CHMP7: variants seen among roughly 807,000 people sequenced by gnomAD.
CHMP7 encodes charged multivesicular body protein 7.
In CHMP7, 15 loss-of-function variants were observed where a neutral mutation model predicts 53.7. That is an observed-to-expected ratio of 0.28 (90% CI 0.19 to 0.43). The LOEUF (loss-of-function observed/expected upper bound fraction) is 0.43, where lower values mean the gene tolerates loss of function less well. CHMP7 is among the 20% of genes least tolerant of loss of function. The pLI, the probability that CHMP7 is intolerant of heterozygous loss-of-function variation, is 1.00. For missense variants in CHMP7, 527 were observed against 569.4 expected, an observed-to-expected ratio of 0.93 and a Z score of 0.76; for synonymous variants, 261 against 228.0, an observed-to-expected ratio of 1.14 and a Z score of -1.30.
At position 23,246,678 on chromosome 8, in the gene CHMP7, G is replaced by A. The variant is rs548392575; in HGVS notation, c.-18G>A. ...GGGCCAGGCTTGTGTTCGCAGCCTT[G>A]CCGGGGCTGGGGTTCCGATGTGGTC... On this transcript the variant is annotated 5_prime_UTR_variant, in exon 2 of 11. Transcript: ENST00000397677. 3.3e-4 allele frequency: 511 copies of A among 1,544,208 alleles called. 3 individuals are homozygous for A. In the Middle Eastern group the frequency reaches 8.2e-3, roughly 25 times the overall value.
chr8:23,260,031 G>A, intron 9 of CHMP7, 113 bp from the exon 10 acceptor site: 1 of 773,518 alleles, frequency 1.3e-6, no homozygotes, highest in Non-Finnish European at 2.1e-6. Flanking sequence ...TAATCTGCAA[G>A]GAGGCCTGGC....
At chr8:23,248,138 A>G in intron 2 of CHMP7, 1 of 456,200 alleles carries the variant, frequency 2.2e-6, no homozygotes, top group South Asian at 1.5e-5. Context: ...GATGGCATAC[A>G]GTGGAAACCG....
chr8:23,259,126 G>A lies in CHMP7; in HGVS notation c.1120G>A (p.Asp374Asn). The change falls in exon 9 of 11, where the codon GAT (aspartate) becomes AAT (asparagine). Residue 374 changes from aspartate to asparagine, a missense_variant and splice_region_variant. By Grantham distance (23) the Asp-to-Asn change is conservative. Coordinates refer to ENST00000397677, the MANE Select transcript of CHMP7 (RefSeq NM_152272.5). ...GGCTGGTGGGGTAACAAATGGCTTA[G>A]GTGAGTGGACAAGGTGGTTATTTTT... The part of the protein sequence containing the change: ...TLAGGVTNGL[D>N]FDSEELEKEL... The A allele has an allele frequency of 6.7e-7, 1 of 1,498,476 alleles. No individual in the cohort carries two copies. The highest frequency in any genetic ancestry group is 9.3e-7 in the Non-Finnish European group (1 of 1,075,592). The allele number at this position is 1,498,476 out of a possible 1,614,324, so 92.8% of individuals were successfully genotyped here.
At chr8:23,254,923 TA>T in intron 3 of CHMP7, 1 of 407,934 alleles carries the variant, frequency 2.5e-6, no homozygotes. Context: ...ACAGCTGTTC[TA>T]CCTCACCTCA....
chr8:23,250,984 C>A lies in CHMP7; in HGVS notation c.471+1603C>A, dbSNP rs534162075. 7.8e-4 allele frequency among the ~76,000 whole-genome samples: 119 copies of A among 152,220 alleles called. 1 individual carries two copies. Among genetic ancestry groups the A allele is most frequent in the Admixed American group, 3.9e-3 (59 of 15,282 alleles). The stretch of plus-strand genomic sequence containing the variant: ...TCCATCTGCACCCCTTCCCCGCACC[C>A]ATGCAGTTATTCCCCTGCCCAGTGG... On this transcript the variant is annotated intron_variant, in intron 3 of 10. Coordinates refer to ENST00000397677, the MANE Select transcript of CHMP7 (RefSeq NM_152272.5).
chr8:23,260,037 C>G (rs189975145), intron 9 of CHMP7, 107 bp from the exon 10 acceptor site: 2 of 832,678 alleles, frequency 2.4e-6, no homozygotes, highest in Admixed American at 2.7e-5. Flanking sequence ...GCAAGGAGGC[C>G]TGGCATCTTT....
chr8:23,258,812 C>T lies in CHMP7; in HGVS notation c.1041C>T (p.Leu347=), dbSNP rs35799523. 3,328 of 1,611,206 alleles carry T rather than the reference C, an allele frequency of 2.1e-3. 50 individuals carry two copies. In the African/African-American group the frequency reaches 0.037, roughly 18 times the overall value. Residue 347 remains leucine (L), a synonymous_variant, in exon 8 of 11, where the codon CTC becomes CTT. Transcript: ENST00000397677. ...KDVTVEKAES[L]VDQIQELCDT... ...TCACAGTGGAGAAGGCAGAGAGCCTCGTGGATCAGATCCAAGAGGTACAGA... is the reference window on the plus strand; with the variant it reads ...TCACAGTGGAGAAGGCAGAGAGCCTTGTGGATCAGATCCAAGAGGTACAGA...
chr8:23,245,566 T>C (rs1051320925), intron 1 of CHMP7, among the ~76,000 whole-genome samples: 1 of 152,226 alleles, frequency 6.6e-6, no homozygotes, highest in African/African-American at 2.4e-5. Context: ...TCACAAGATA[T>C]ATTGTTTTGT....
intron 3 of CHMP7, among the ~76,000 whole-genome samples, chr8:23,251,139 A>G (rs1452483473): frequency 6.6e-6 from 1 of 152,182 alleles, no homozygotes; most frequent in Non-Finnish European, 1.5e-5. Flanking sequence ...GGGGCAGAGG[A>G]GAGGTAAACC....
rs1046048847 is a variant in CHMP7 at position 23,261,977 on chromosome 8, A to G, written c.*1378A>G. The G allele has an allele frequency of 2.0e-5, 3 of 152,364 alleles. No individual in the cohort carries two copies. Among genetic ancestry groups the G allele is most frequent in the Non-Finnish European group, 4.4e-5 (3 of 68,046 alleles). The allele number at this position is 152,364 out of a possible 1,614,324, so 9.4% of individuals were successfully genotyped here. A position where few individuals can be genotyped will look rare whatever the true frequency, so the allele number is the denominator to read the frequency against. On this transcript the variant is annotated 3_prime_UTR_variant, in exon 11 of 11. Coordinates refer to ENST00000397677, the MANE Select transcript of CHMP7 (RefSeq NM_152272.5). ...TTTTTTCTTTTTTATCTGGTAAATA[A>G]TTAAAAGAAAAACCGAACACTTGTC...
At chr8:23,248,701 A>C (rs1801803436) in intron 2 of CHMP7, among the ~76,000 whole-genome samples, 1 of 152,208 alleles carries the variant, frequency 6.6e-6, no homozygotes, top group South Asian at 2.1e-4. Context: ...AGCTGCTGTT[A>C]CTGTTACCAG....
chr8:23,260,483 C>T, intron 10 of CHMP7, 55 bp from the exon 11 acceptor site: 1 of 1,551,024 alleles, frequency 6.4e-7, no homozygotes, highest in Non-Finnish European at 8.9e-7. Context: ...CACTGGAATG[C>T]CTTCATCTTC....
In CHMP7 at chr8:23,256,789, C is replaced by CTT. The variant is rs71210606; in HGVS notation, c.791+216_791+217dup. Reference sequence around the variant, plus strand: ...CAAAAGAGAAAAAAAAATGAGGCCTCTTTTTTTTTTTTTTTTTTTTTGAGA... The same window carrying CTT: ...CAAAAGAGAAAAAAAAATGAGGCCTCTTTTTTTTTTTTTTTTTTTTTTTGAGA... On this transcript the variant is annotated intron_variant, in intron 5 of 10. Transcript: ENST00000397677. The CTT allele has an allele frequency of 3.5e-3, 356 of 102,616 alleles. 1 individual carries two copies. The highest frequency in any genetic ancestry group is 0.011 in the Middle Eastern group (2 of 178). 6.4% of individuals were successfully genotyped at this position (102,616 alleles called of 1,614,324 possible). A position where few individuals can be genotyped will look rare whatever the true frequency, so the allele number is the denominator to read the frequency against.
At chr8:23,251,170 G>T (rs1277198409) in intron 3 of CHMP7, among the ~76,000 whole-genome samples, 1 of 152,154 alleles carries the variant, frequency 6.6e-6, no homozygotes, top group Non-Finnish European at 1.5e-5. Context: ...CACAGATGAG[G>T]TTTGTACTGG....
At chr8:23,250,480 G>T (rs940989875) in intron 3 of CHMP7, among the ~76,000 whole-genome samples, 15 of 152,060 alleles carry the variant, frequency 9.9e-5, no homozygotes, top group Non-Finnish European at 1.6e-4. Flanking sequence ...TGGTACCTGG[G>T]CCCTGCCTAG....
chr8:23,253,545 A>G (rs1802010587), intron 3 of CHMP7, among the ~76,000 whole-genome samples: 1 of 152,162 alleles, frequency 6.6e-6, no homozygotes, highest in South Asian at 2.1e-4. Flanking sequence ...CCTCGGCCTC[A>G]TAAAGTGCTG....
intron 2 of CHMP7, among the ~76,000 whole-genome samples, 199 bp from the exon 3 acceptor site, chr8:23,249,011 C>T (rs964743312): frequency 1.3e-5 from 2 of 152,192 alleles, no homozygotes; most frequent in Non-Finnish European, 1.5e-5. Context: ...CTCATAATAC[C>T]GCCTCCCATG....
In CHMP7 at chr8:23,249,102, C is replaced by G; in HGVS notation, c.300-108C>G. On this transcript the variant is annotated intron_variant, in intron 2 of 10. Coordinates refer to ENST00000397677, the MANE Select transcript of CHMP7 (RefSeq NM_152272.5). ...ACAGCGTAGGTGCTTAACAAATGGT[C>G]GTGATGATAATGATAAAATTCCTCT... is the stretch of plus-strand genomic sequence containing the variant. The G allele has an allele frequency of 7.6e-6, 7 of 927,118 alleles. No homozygotes were observed. The South Asian group carries it at 1.1e-4, about 15-fold the overall frequency. The allele number at this position is 927,118 out of a possible 1,614,324, so 57.4% of individuals were successfully genotyped here.
chr8:23,260,092 A>T, intron 9 of CHMP7, 52 bp from the exon 10 acceptor site: 1 of 1,466,724 alleles, frequency 6.8e-7, no homozygotes, highest in Non-Finnish European at 9.5e-7. Context: ...TGTACTCATT[A>T]ATGCATTTCT....
Sources: gnomAD v4.1 joint callset for allele counts (sites outside exome capture counted in the v4.1 genomes callset) on GRCh38, gnomAD v4.1.1 for gene constraint, MANE v1.5 for transcripts, NCBI Gene and HGNC (gene_info 2026-07-23, HGNC 2026-07-21) for gene names.